LAMB4: variants seen among roughly 807,000 people sequenced by gnomAD.
LAMB4 encodes the protein laminin subunit beta-4.
In LAMB4, 196 loss-of-function variants were observed where a neutral mutation model predicts 199.2. The observed-to-expected ratio is 0.98, with a 90% CI of 0.88 to 1.11. The LOEUF (loss-of-function observed/expected upper bound fraction) is 1.11. Ranked by LOEUF, LAMB4 falls within the 50% of genes least tolerant of loss-of-function variation. The pLI is 0.00. For synonymous variants in LAMB4, 744 were observed against 770.6 expected (o/e 0.97, Z 0.57); for missense variants, 2,080 against 2,171.2 (o/e 0.96, Z 0.83).
rs2036327044 is a variant in LAMB4, at chr7:108,066,023, A to G, written c.2679-104T>C. On this transcript the variant is annotated intron_variant, in intron 20 of 33. Transcript: ENST00000388781. ...AAAACAGTGCACCTCTGAAAACTGA[A>G]TATTTTAGAAGATGTTCATTTGCTC... 11 of 1,138,084 alleles carry G rather than the reference A, an allele frequency of 9.7e-6. No individual in the cohort carries two copies. The Admixed American group carries it at 1.8e-4, about 19-fold the overall frequency. 70.5% of individuals were successfully genotyped at this position (1,138,084 alleles called of 1,614,324 possible). A position where few individuals can be genotyped will look rare whatever the true frequency, so the allele number is the denominator to read the frequency against.
chr7:108,130,354 G>T lies in LAMB4; in HGVS notation c.-82C>A, dbSNP rs1481392081. 1.3e-5 allele frequency: 2 copies of T among 152,088 alleles called. No individual in the cohort carries two copies. Among genetic ancestry groups the T allele is most frequent in the African/African-American group, 2.4e-5 (1 of 41,398 alleles). 9.4% of individuals were successfully genotyped at this position (152,088 alleles called of 1,614,324 possible). A position where few individuals can be genotyped will look rare whatever the true frequency, so the allele number is the denominator to read the frequency against. On this transcript the variant is annotated 5_prime_UTR_variant, in exon 1 of 34. Coordinates refer to ENST00000388781, the MANE Select transcript of LAMB4 (RefSeq NM_007356.3). Reference sequence around the variant, plus strand: ...GAGGTTCAGGCAGCAAACGGGGCATGTGAAGACACACCTGAAAGTTAGAGC... The same window carrying T: ...GAGGTTCAGGCAGCAAACGGGGCATTTGAAGACACACCTGAAAGTTAGAGC...
At chr7:108,057,808 G>C (rs1668638427) in intron 24 of LAMB4, 24 bp downstream of exon 24, 3 of 1,514,444 alleles carry the variant, frequency 2.0e-6, no homozygotes, top group South Asian at 1.1e-5. Flanking sequence ...GTACGCATGA[G>C]TTTTTAGAAA....
downstream of LAMB4, among the ~76,000 whole-genome samples, chr7:108,020,486 A>G (rs975102965): frequency 9.2e-5 from 14 of 151,634 alleles, no homozygotes; most frequent in South Asian, 4.1e-4. Context: ...AAAAAAAAAA[A>G]AAAAGAAAAG....
intron 17 of LAMB4, among the ~76,000 whole-genome samples, chr7:108,075,076 T>G (rs1476447686): frequency 6.6e-6 from 1 of 152,194 alleles, no homozygotes; most frequent in African/African-American, 2.4e-5. Context: ...GTTCCCAATT[T>G]TTGGCATTTC....
intron 33 of LAMB4, among the ~76,000 whole-genome samples, chr7:108,028,620 G>T (rs1206184336): frequency 3.3e-5 from 5 of 151,852 alleles, no homozygotes; most frequent in African/African-American, 4.8e-5. Context: ...GGGATTACAG[G>T]CACCCACCAC....
At chr7:108,056,117 C>T (rs909113726) in intron 24 of LAMB4, 110 bp from the exon 25 acceptor site, 8 of 959,970 alleles carry the variant, frequency 8.3e-6, no homozygotes, top group Non-Finnish European at 1.2e-5. Context: ...ACTCACACTT[C>T]TAAGATGAAT....
chr7:108,026,880 T>C (rs1482901252), intron 33 of LAMB4: 1 of 517,704 alleles, frequency 1.9e-6, no homozygotes, highest in Non-Finnish European at 3.9e-6. Context: ...CAAATCAATG[T>C]CTCATTTTTC....
At chr7:108,095,451 C>T (rs2037561549) in intron 11 of LAMB4, 114 bp from the exon 12 acceptor site, 3 of 736,614 alleles carry the variant, frequency 4.1e-6, no homozygotes, top group Admixed American at 2.3e-5. Flanking sequence ...GAGAAGCCTG[C>T]CCTGCCAGGT....
At chr7:108,127,542 C>A (rs2038836779) in intron 1 of LAMB4, among the ~76,000 whole-genome samples, 2 of 152,092 alleles carry the variant, frequency 1.3e-5, no homozygotes, top group Non-Finnish European at 2.9e-5. Flanking sequence ...ATTGCAAATC[C>A]CCAGGTTCGG....
intron 12 of LAMB4, 146 bp from the exon 13 acceptor site, chr7:108,092,562 G>A (rs1293238873): frequency 1.0e-5 from 7 of 666,964 alleles, no homozygotes; most frequent in East Asian, 5.4e-5. Context: ...TGGCCTATGC[G>A]CTTGGCTAAT....
At chr7:108,014,719 G>GT in the LAMB4 span, among the ~76,000 whole-genome samples, 339 of 142,506 alleles carry the variant, frequency 2.4e-3, 1 homozygote, top group Admixed American at 2.9e-3. Flanking sequence ...ACTGGTTGTT[G>GT]TTTTTTTTTT....
chr7:108,076,160 T>C (rs1376378611), intron 17 of LAMB4, among the ~76,000 whole-genome samples: 3 of 152,042 alleles, frequency 2.0e-5, no homozygotes, highest in African/African-American at 7.3e-5. Flanking sequence ...CAAACATGTA[T>C]CAAATACACA....
At chr7:108,063,736 C>T (rs1282707895) in intron 22 of LAMB4, 25 bp downstream of exon 22, 2 of 1,583,662 alleles carry the variant, frequency 1.3e-6, no homozygotes, top group East Asian at 4.5e-5. Flanking sequence ...TGACACATTT[C>T]CCCCTGGGAG....
chr7:108,107,647 G>A lies in LAMB4; in HGVS notation c.575C>T (p.Pro192Leu). Residue 192 changes from proline to leucine, a missense_variant, in exon 6 of 34, where the codon CCC (proline) becomes CTC (leucine). Physicochemically the swap from Pro to Leu is moderately conservative, Grantham distance 98. Coordinates refer to ENST00000388781, the MANE Select transcript of LAMB4 (RefSeq NM_007356.3). ...AAATGCTACCTCTCCACCTGTTGAG[G>A]GTTCAATATCCGAGTATTTGGAGTC... ...VCDSKYSDIE[P>L]STGGEVVLKV... 6.2e-7 allele frequency: 1 copy of A among 1,607,228 alleles called. No homozygotes were observed. Among genetic ancestry groups the A allele is most frequent in the Non-Finnish European group, 8.5e-7 (1 of 1,177,680 alleles).
chr7:108,056,453 A>T (rs963604274), intron 24 of LAMB4, among the ~76,000 whole-genome samples: 4 of 152,226 alleles, frequency 2.6e-5, no homozygotes, highest in Admixed American at 6.5e-5. Context: ...CTTCCATTAC[A>T]TAAGGAAAAC....
chr7:108,060,854 G>A (rs540373707), intron 23 of LAMB4, among the ~76,000 whole-genome samples: 98 of 152,346 alleles, frequency 6.4e-4, no homozygotes, highest in Non-Finnish European at 1.2e-3. Flanking sequence ...CCTCGAGGAG[G>A]AAGAGCATAG....
chr7:108,049,107 C>T (rs1314180237), intron 27 of LAMB4, among the ~76,000 whole-genome samples: 2 of 151,926 alleles, frequency 1.3e-5, no homozygotes, highest in African/African-American at 4.8e-5. Flanking sequence ...AATCAAGCCA[C>T]AATCTTTACT....
chr7:108,043,545 G>GTTTTTTTTTTTTTTTTTTTTTTTTT (rs748169558), intron 29 of LAMB4, among the ~76,000 whole-genome samples: 1 of 55,996 alleles, frequency 1.8e-5, no homozygotes, highest in Non-Finnish European at 2.9e-5. Context: ...TGGCTATGAT[G>GTTTTTTTTTTTTTTTTTTTTTTTTT]TTTTTTTTTT....
chr7:108,091,167 T>C (rs1449881166), intron 14 of LAMB4, among the ~76,000 whole-genome samples: 2 of 152,150 alleles, frequency 1.3e-5, no homozygotes, highest in East Asian at 3.9e-4. Context: ...ACTTTCGTCA[T>C]GCATTTATTA....
Sources: gnomAD v4.1 joint callset for allele counts (sites outside exome capture counted in the v4.1 genomes callset) on GRCh38, gnomAD v4.1.1 for gene constraint, MANE v1.5 for transcripts, NCBI Gene and HGNC (gene_info 2026-07-23, HGNC 2026-07-21) for gene names.